Variants in MYOT observed in about 807,000 individuals in gnomAD.
The protein encoded by MYOT is myotilin.
Under a neutral mutation model 58.0 loss-of-function variants are expected in MYOT, and 36 were observed. The ratio of observed to expected loss-of-function variants is 0.62; its 90% CI spans 0.48 to 0.82. MYOT has a LOEUF of 0.82. Among genes scored for constraint, MYOT ranks in the 40% least tolerant of loss-of-function variants. The probability of loss-of-function intolerance (pLI) is 0.00; values close to 1 mark genes in which losing one functional copy is unlikely to be tolerated. For synonymous variants in MYOT, 218 were observed against 204.6 expected (o/e 1.07, Z -0.56); for missense variants, 505 against 592.1 (o/e 0.85, Z 1.53).
intron 3 of MYOT, among the ~76,000 whole-genome samples, chr5:137,877,212 C>CA (rs1755255436): frequency 6.6e-6 from 1 of 151,388 alleles, no homozygotes; most frequent in Non-Finnish European, 1.5e-5. Context: ...ACTAAAAATA[C>CA]AAAAAATTAG....
intron 4 of MYOT, chr5:137,880,549 A>T: frequency 2.6e-6 from 1 of 382,102 alleles, no homozygotes; most frequent in Non-Finnish European, 4.8e-6. Context: ...TAGTCATCTG[A>T]AAAATGAACC....
chr5:137,878,214 ATTTT>A (rs889419278), intron 4 of MYOT, among the ~76,000 whole-genome samples: 1 of 133,984 alleles, frequency 7.5e-6, no homozygotes, highest in African/African-American at 2.8e-5. Context: ...CACCTGATCG[ATTTT>A]TTTTTTTTTT....
intron 2 of MYOT, among the ~76,000 whole-genome samples, chr5:137,871,828 ATTGG>A (rs1374984981): frequency 6.6e-6 from 1 of 152,210 alleles, no homozygotes; most frequent in South Asian, 2.1e-4. Flanking sequence ...TATGCAAACT[ATTGG>A]CTATCAGCTT....
intron 1 of MYOT, 52 bp from the exon 2 acceptor site, chr5:137,870,389 A>G (rs1755009172): frequency 1.8e-6 from 1 of 566,312 alleles, no homozygotes; most frequent in Admixed American, 3.0e-5. Flanking sequence ...TGTCAAATAA[A>G]CAATGTTATT....
chr5:137,886,347 AATAT>A, intron 8 of MYOT, 134 bp downstream of exon 8: 1 of 421,746 alleles, frequency 2.4e-6, no homozygotes, highest in Non-Finnish European at 4.0e-6. Flanking sequence ...AATATAATAA[AATAT>A]ATATTAGATA....
At position 137,871,538 on chromosome 5, in the gene MYOT, A is replaced by C. The variant is rs576908483; in HGVS notation, c.356+531A>C. Among the ~76,000 whole-genome samples the C allele has an allele frequency of 2.6e-4, 40 of 152,340 alleles. No homozygotes were observed. The South Asian group carries it at 7.5e-3, about 28-fold the overall frequency. On this transcript the variant is annotated intron_variant, in intron 2 of 9. Coordinates refer to ENST00000239926, the MANE Select transcript of MYOT (RefSeq NM_006790.3). ...AATTTTTAAATTAACAAATAAAAAA[A>C]CCTGGAACTCAGACCCTGGAATGTA...
At chr5:137,875,163 T>G (rs147875318) in intron 2 of MYOT, among the ~76,000 whole-genome samples, 372 of 152,324 alleles carry the variant, frequency 2.4e-3, no homozygotes, top group Admixed American at 4.2e-3. Flanking sequence ...ATCGTAGCTA[T>G]AACAAAGAAC....
At chr5:137,877,087 A>C (rs1009172715) in intron 3 of MYOT, among the ~76,000 whole-genome samples, 4 of 151,248 alleles carry the variant, frequency 2.6e-5, no homozygotes, top group African/African-American at 7.3e-5. Flanking sequence ...AAATAGAATC[A>C]GCCGAGCGCA....
intron 2 of MYOT, 71 bp from the exon 3 acceptor site, chr5:137,875,758 T>A: frequency 7.0e-7 from 1 of 1,434,912 alleles, no homozygotes; most frequent in East Asian, 2.3e-5. Flanking sequence ...AAACTCAACA[T>A]ATCTAAAGGT....
intron 7 of MYOT, among the ~76,000 whole-genome samples, chr5:137,885,714 G>C (rs1462286492): frequency 3.1e-5 from 4 of 130,320 alleles, no homozygotes; most frequent in East Asian, 5.2e-4. Context: ...GGAGGTTGCA[G>C]TGAACCAAGA....
intron 6 of MYOT, 95 bp downstream of exon 6, chr5:137,882,200 G>A: frequency 1.5e-6 from 2 of 1,371,578 alleles, no homozygotes; most frequent in Non-Finnish European, 2.1e-6. Flanking sequence ...TTGCAAAGCA[G>A]TACGTACAAT....
At chr5:137,881,888 A>G in intron 5 of MYOT, 85 bp from the exon 6 acceptor site, 4 of 1,527,122 alleles carry the variant, frequency 2.6e-6, no homozygotes, top group Non-Finnish European at 3.6e-6. Flanking sequence ...ATTGAAAAAA[A>G]AAAATTGATG....
In MYOT at chr5:137,886,216, A is replaced by G; in HGVS notation, c.1190+3A>G. The G allele has an allele frequency of 6.2e-7, 1 of 1,603,068 alleles. No individual in the cohort carries two copies. The highest frequency in any genetic ancestry group is 8.5e-7 in the Non-Finnish European group (1 of 1,171,142). ...CAATTCAACACTGACCGAATAAGGT[A>G]GGATATGTATTTCTAGACTTACTAT... is the stretch of plus-strand genomic sequence containing the variant. On this transcript the variant is annotated splice_donor_region_variant and intron_variant, in intron 8 of 9. Transcript: ENST00000239926.
intron 6 of MYOT, chr5:137,883,079 T>G (rs1165819332): frequency 2.9e-6 from 1 of 339,618 alleles, no homozygotes; most frequent in Non-Finnish European, 5.6e-6. Context: ...ACTTCTATAT[T>G]CCTTATGGAA....
In MYOT at chr5:137,886,187, G is replaced by A; in HGVS notation, c.1164G>A (p.Met388Ile). 1.2e-6 allele frequency: 2 copies of A among 1,611,678 alleles called. No individual in the cohort carries two copies. The highest frequency in any genetic ancestry group is 1.1e-5 in the South Asian group (1 of 90,962). Reference protein sequence around the residue: ...PKLFWKRNNEMVQFNTDRISL... With the variant: ...PKLFWKRNNEIVQFNTDRISL... Reference sequence around the variant, plus strand: ...TTTTCTGGAAAAGAAATAATGAAATGGTACAATTCAACACTGACCGAATAA... The same window carrying A: ...TTTTCTGGAAAAGAAATAATGAAATAGTACAATTCAACACTGACCGAATAA... Residue 388 changes from methionine (M) to isoleucine (I), a missense_variant, in exon 8 of 10, where the codon ATG becomes ATA. By Grantham distance (10) the Met-to-Ile change is conservative. Transcript: ENST00000239926.
chr5:137,880,524 C>T (rs751974278), intron 4 of MYOT: 1 of 340,966 alleles, frequency 2.9e-6, no homozygotes, highest in South Asian at 3.1e-5. Flanking sequence ...AGACACATCA[C>T]CCTTTGTCAT....
chr5:137,887,068 C>G, intron 9 of MYOT, 71 bp downstream of exon 9: 1 of 1,563,980 alleles, frequency 6.4e-7, no homozygotes, highest in East Asian at 2.2e-5. Flanking sequence ...ATGAAAATCC[C>G]AGCAGAGTAT....
intron 7 of MYOT, among the ~76,000 whole-genome samples, chr5:137,885,771 C>CAAAAAAAAAAAAAAAAAAAAAAAA: frequency 3.2e-5 from 1 of 30,976 alleles, no homozygotes; most frequent in East Asian, 1.6e-3. Context: ...GACTCTGTCT[C>CAAAAAAAAAAAAAAAAAAAAAAAA]AAAAAAAAAA....
chr5:137,883,408 G>A lies in MYOT; in HGVS notation c.841G>A (p.Val281Met). ...FKVSGLPAPD[V>M]SWYLNGRTVQ... is the part of the protein sequence containing the mutation. Reference sequence around the variant, plus strand: ...GGTGAGTGGACTGCCAGCTCCTGATGTGTCATGGTATCTAAATGGAAGAAC... The same window carrying A: ...GGTGAGTGGACTGCCAGCTCCTGATATGTCATGGTATCTAAATGGAAGAAC... The change falls in exon 7 of 10, where the codon GTG becomes ATG. Residue 281 changes from valine (V) to methionine (M), a missense_variant. By Grantham distance (21) the Val-to-Met change is conservative. Coordinates refer to ENST00000239926, the MANE Select transcript of MYOT (RefSeq NM_006790.3). The A allele has an allele frequency of 6.2e-7, 1 of 1,614,064 alleles. No homozygotes were observed. The highest frequency in any genetic ancestry group is 1.3e-5 in the African/African-American group (1 of 75,014).
Sources: allele counts gnomAD v4.1 joint callset (sites outside exome capture counted in the v4.1 genomes callset), GRCh38; gene constraint gnomAD v4.1.1; transcripts MANE v1.5; gene names NCBI Gene and HGNC (gene_info 2026-07-23, HGNC 2026-07-21).